The following LCP2 variants were observed in gnomAD, a reference collection of about 807,000 sequenced individuals.
LCP2 encodes the protein lymphocyte cytosolic protein 2.
A neutral mutation model predicts 74.5 loss-of-function variants in LCP2; 29 were observed. That is an observed-to-expected ratio of 0.39 (90% CI 0.29 to 0.53). The LOEUF (loss-of-function observed/expected upper bound fraction) is 0.53, where lower values mean the gene tolerates loss of function less well. Ranked by LOEUF, LCP2 falls within the 20% of genes least tolerant of loss-of-function variation. The probability of loss-of-function intolerance (pLI) is 0.72; values close to 1 mark genes in which losing one functional copy is unlikely to be tolerated. For missense variants in LCP2, 604 were observed against 634.6 expected (o/e 0.95, Z 0.52); for synonymous variants, 228 against 229.5 (o/e 0.99, Z 0.06).
At chr5:170,292,743 G>T (rs978176909) in intron 2 of LCP2, among the ~76,000 whole-genome samples, 8 of 152,182 alleles carry the variant, frequency 5.3e-5, no homozygotes, top group Non-Finnish European at 8.8e-5. Flanking sequence ...TAGCACCTCT[G>T]TCTCCACCAT....
chr5:170,270,989 T>C, intron 6 of LCP2, 72 bp from the exon 7 acceptor site: 1 of 1,326,458 alleles, frequency 7.5e-7, no homozygotes, highest in Non-Finnish European at 1.0e-6. Flanking sequence ...GTGCCTACTC[T>C]CTCCCTGCCA....
intron 7 of LCP2, among the ~76,000 whole-genome samples, chr5:170,270,194 A>C (rs1761872628): frequency 6.6e-6 from 1 of 152,250 alleles, no homozygotes; most frequent in Non-Finnish European, 1.5e-5. Flanking sequence ...TTGTTGAATG[A>C]ATGGAGAGAG....
chr5:170,266,023 T>A (rs185993717), intron 10 of LCP2, among the ~76,000 whole-genome samples: 1 of 152,208 alleles, frequency 6.6e-6, no homozygotes, highest in African/African-American at 2.4e-5. Context: ...AATTTTATCA[T>A]CTGAGAAGTG....
intron 6 of LCP2, 76 bp downstream of exon 6, chr5:170,274,225 T>C: frequency 6.7e-7 from 1 of 1,489,940 alleles, no homozygotes; most frequent in Non-Finnish European, 9.3e-7. Flanking sequence ...TTCACTTGGC[T>C]CCATCCTGGC....
At chr5:170,263,731 T>C (rs1336368577) in intron 10 of LCP2, among the ~76,000 whole-genome samples, 1 of 152,222 alleles carries the variant, frequency 6.6e-6, no homozygotes, top group Non-Finnish European at 1.5e-5. Context: ...GATGAAAATA[T>C]TACTAACAAA....
intron 5 of LCP2, 105 bp downstream of exon 5, chr5:170,275,215 A>AG: frequency 8.2e-7 from 1 of 1,219,938 alleles, no homozygotes; most frequent in Non-Finnish European, 1.2e-6. Context: ...CAAGTCAGTA[A>AG]GGTCACCTGA....
chr5:170,275,581 G>A, intron 4 of LCP2: 1 of 643,174 alleles, frequency 1.6e-6, no homozygotes, highest in South Asian at 1.9e-5. Context: ...GTCTGATGCT[G>A]TAGAGGAAGT....
intron 4 of LCP2, 53 bp from the exon 5 acceptor site, chr5:170,275,404 C>G: frequency 6.2e-7 from 1 of 1,600,146 alleles, no homozygotes; most frequent in Non-Finnish European, 8.6e-7. Flanking sequence ...AAGGGGATCT[C>G]CCTCTTTCCT....
chr5:170,276,560 T>C (rs910537043), intron 3 of LCP2, among the ~76,000 whole-genome samples: 11 of 151,900 alleles, frequency 7.2e-5, no homozygotes, highest in Non-Finnish European at 1.2e-4. Flanking sequence ...AGTCCCTGGG[T>C]TCCTTCATGT....
intron 3 of LCP2, among the ~76,000 whole-genome samples, chr5:170,278,093 C>T (rs529527473): frequency 2.5e-4 from 38 of 150,504 alleles, no homozygotes; most frequent in Middle Eastern, 3.4e-3. Flanking sequence ...AAGGGAGCCC[C>T]GTTAGTGTCC....
At chr5:170,283,495 G>A (rs759765780) in intron 3 of LCP2, among the ~76,000 whole-genome samples, 3 of 152,146 alleles carry the variant, frequency 2.0e-5, no homozygotes, top group South Asian at 4.1e-4. Context: ...CCCTAGGGGA[G>A]GCTCCTAGCT....
intron 14 of LCP2, among the ~76,000 whole-genome samples, chr5:170,259,805 T>C (rs917252009): frequency 9.9e-5 from 15 of 152,116 alleles, no homozygotes; most frequent in African/African-American, 3.6e-4. Context: ...GCTGCATAAA[T>C]AAACACACAT....
intron 6 of LCP2, among the ~76,000 whole-genome samples, chr5:170,272,089 G>A (rs1761905474): frequency 6.6e-6 from 1 of 152,184 alleles, no homozygotes. Context: ...TTCAGATCAA[G>A]AGCCTCAGCA....
At chr5:170,290,419 G>C (rs1458482676) in intron 2 of LCP2, among the ~76,000 whole-genome samples, 1 of 152,202 alleles carries the variant, frequency 6.6e-6, no homozygotes, top group Non-Finnish European at 1.5e-5. Context: ...CTCCCTTGCA[G>C]ATGGTGGAGG....
At chr5:170,288,063 G>C (rs753792182) in intron 2 of LCP2, 47 bp from the exon 3 acceptor site, 2 of 1,578,038 alleles carry the variant, frequency 1.3e-6, no homozygotes, top group South Asian at 1.1e-5. Context: ...CCACAGAAAG[G>C]GCTCTGAGCA....
chr5:170,255,416 C>T (rs1474964797), intron 17 of LCP2, among the ~76,000 whole-genome samples: 3 of 152,188 alleles, frequency 2.0e-5, no homozygotes, highest in African/African-American at 7.2e-5. Context: ...CGTGCACACA[C>T]TGCATGTGGA....
intron 2 of LCP2, among the ~76,000 whole-genome samples, chr5:170,289,619 T>C (rs201995598): frequency 4.1e-3 from 305 of 74,492 alleles, no homozygotes; most frequent in East Asian, 8.3e-3. Context: ...TTCTTTCTTT[T>C]TCTTTCTTTC....
At chr5:170,255,921 T>C (rs546010737) in intron 17 of LCP2, among the ~76,000 whole-genome samples, 2 of 152,372 alleles carry the variant, frequency 1.3e-5, no homozygotes, top group African/African-American at 4.8e-5. Flanking sequence ...CACAGGTCCC[T>C]GACTTCACTC....
intron 19 of LCP2, chr5:170,251,463 A>G (rs1761440993): frequency 7.6e-6 from 2 of 262,548 alleles, no homozygotes; most frequent in South Asian, 3.9e-5. Context: ...ATTGTCCTGT[A>G]CTTTAAATTT....
Sources: allele counts gnomAD v4.1 joint callset (sites outside exome capture counted in the v4.1 genomes callset), GRCh38; gene constraint gnomAD v4.1.1; transcripts MANE v1.5; gene names NCBI Gene and HGNC (gene_info 2026-07-23, HGNC 2026-07-21).